The following FAM178B variants were observed in gnomAD, a reference collection of about 807,000 sequenced individuals.
FAM178B encodes the protein family with sequence similarity 178 member B, also known as protein FAM178B.
A neutral mutation model predicts 91.7 loss-of-function variants in FAM178B; 82 were observed. The observed-to-expected ratio is 0.89, with a 90% CI of 0.75 to 1.07. FAM178B has a LOEUF of 1.07. FAM178B is among the 50% of genes least tolerant of loss of function. The probability of loss-of-function intolerance (pLI) is 0.00; values close to 1 mark genes in which losing one functional copy is unlikely to be tolerated. For missense variants in FAM178B, 769 were observed against 846.7 expected (o/e 0.91, Z 1.14); for synonymous variants, 368 against 359.4 (o/e 1.02, Z -0.27).
At chr2:96,982,128 T>C (rs995488818) in intron 1 of FAM178B, among the ~76,000 whole-genome samples, 1 of 152,208 alleles carries the variant, frequency 6.6e-6, no homozygotes, top group African/African-American at 2.4e-5. Context: ...TATGCCAGCT[T>C]TGAGAATTTT....
intron 14 of FAM178B, among the ~76,000 whole-genome samples, chr2:96,893,544 C>G (rs982265166): frequency 6.6e-6 from 1 of 152,032 alleles, no homozygotes; most frequent in African/African-American, 2.4e-5. Context: ...CCCTGCACGT[C>G]GAGACAACCC....
rs141186292 is a variant in FAM178B, at chr2:96,923,287, T to A, written c.1287+203A>T. ...CATGCCTGGCCCCAATTCTTTCTTG[T>A]ACAAGAACTCTCTCTTGGGGCCTAG... On this transcript the variant is annotated intron_variant, in intron 10 of 16. Transcript: ENST00000490605. Among the ~76,000 whole-genome samples, 5 of 152,312 alleles carry A rather than the reference T, an allele frequency of 3.3e-5. No individual in the cohort carries two copies. The East Asian group carries it at 9.6e-4, about 29-fold the overall frequency.
At chr2:96,878,070 C>A in intron 15 of FAM178B, 28 bp from the exon 16 acceptor site, 3 of 1,602,156 alleles carry the variant, frequency 1.9e-6, no homozygotes, top group Non-Finnish European at 8.5e-7. Flanking sequence ...GGCCAAGAAG[C>A]GGGTGTAGCA....
At chr2:96,963,070 C>T (rs139737237) in intron 5 of FAM178B, among the ~76,000 whole-genome samples, 11 of 152,324 alleles carry the variant, frequency 7.2e-5, no homozygotes, top group Admixed American at 1.3e-4. Context: ...AAACGTCATG[C>T]GCCCAGCAAA....
intron 12 of FAM178B, among the ~76,000 whole-genome samples, chr2:96,911,616 C>A (rs750070125): frequency 6.6e-6 from 1 of 152,200 alleles, no homozygotes; most frequent in Non-Finnish European, 1.5e-5. Flanking sequence ...CGGTCACACT[C>A]CGGGACAGCA....
At chr2:96,915,008 AGG>A (rs2081218608) in intron 12 of FAM178B, among the ~76,000 whole-genome samples, 2 of 152,088 alleles carry the variant, frequency 1.3e-5, no homozygotes, top group Admixed American at 1.3e-4. Context: ...TGAGGGAAGG[AGG>A]AGTCTCCACG....
chr2:96,900,630 G>A (rs550993121), intron 13 of FAM178B, among the ~76,000 whole-genome samples: 1 of 152,298 alleles, frequency 6.6e-6, no homozygotes, highest in Admixed American at 6.5e-5. Flanking sequence ...CTCTGGATTG[G>A]GTGGTCAGGA....
chr2:96,978,429 A>T lies in FAM178B; in HGVS notation c.74-5823T>A, dbSNP rs146990272. Among the ~76,000 whole-genome samples the T allele has an allele frequency of 5.2e-3, 789 of 152,242 alleles. 5 individuals carry two copies. Among genetic ancestry groups the T allele is most frequent in the Non-Finnish European group, 9.6e-3 (651 of 68,016 alleles). ...ATTATACTCAACAGGTAATTTTTCA[A>T]TCCTCACCCCGCTTTCAACCTCCCC... On this transcript the variant is annotated intron_variant, in intron 1 of 16. Transcript: ENST00000490605.
chr2:96,958,214 C>T (rs1284917492), intron 6 of FAM178B, among the ~76,000 whole-genome samples: 1 of 151,914 alleles, frequency 6.6e-6, no homozygotes, highest in African/African-American at 2.4e-5. Flanking sequence ...GGACTACAGG[C>T]GCCCGCTACC....
Position 96,893,895 on chromosome 2 carries a change from G to A in FAM178B, c.1776+31C>T, listed in dbSNP as rs201571176. Reference sequence around the variant, plus strand: ...CTACCTGTGGTGGTGGCACCGTGGTGGAGGCAGGCGGGTGCTGGGTGCTCA... The same window carrying A: ...CTACCTGTGGTGGTGGCACCGTGGTAGAGGCAGGCGGGTGCTGGGTGCTCA... On this transcript the variant is annotated intron_variant, in intron 14 of 16. Coordinates refer to ENST00000490605, the MANE Select transcript of FAM178B (RefSeq NM_001122646.3). 113 of 1,602,094 alleles carry A rather than the reference G, an allele frequency of 7.1e-5. No individual in the cohort carries two copies. The East Asian group carries it at 2.4e-3, about 34-fold the overall frequency.
At chr2:96,906,657 G>A (rs976756040) in intron 12 of FAM178B, among the ~76,000 whole-genome samples, 2 of 151,974 alleles carry the variant, frequency 1.3e-5, no homozygotes, top group Admixed American at 6.6e-5. Flanking sequence ...CCCTCTCTAC[G>A]GCCCCTACAA....
chr2:96,896,175 G>A (rs2080819770), intron 13 of FAM178B, among the ~76,000 whole-genome samples: 1 of 152,214 alleles, frequency 6.6e-6, no homozygotes, highest in African/African-American at 2.4e-5. Context: ...CGCCCAGCCG[G>A]GACCCTCCCT....
chr2:96,950,702 C>G (rs2081910384), intron 7 of FAM178B, among the ~76,000 whole-genome samples: 1 of 152,190 alleles, frequency 6.6e-6, no homozygotes, highest in African/African-American at 2.4e-5. Context: ...CTGCCTCTCT[C>G]TGTGCAAAGG....
chr2:96,985,564 A>C (rs1365141776), intron 1 of FAM178B, among the ~76,000 whole-genome samples: 2 of 152,182 alleles, frequency 1.3e-5, no homozygotes, highest in African/African-American at 4.8e-5. Flanking sequence ...ATCTGTCTTA[A>C]AGTGTAGCAT....
chr2:96,929,741 AG>A (rs1483035021), intron 8 of FAM178B, among the ~76,000 whole-genome samples: 1 of 152,260 alleles, frequency 6.6e-6, no homozygotes, highest in African/African-American at 2.4e-5. Context: ...GCTGACACTC[AG>A]CCCACTGCAG....
At chr2:96,897,283 A>G (rs974429039) in intron 13 of FAM178B, among the ~76,000 whole-genome samples, 2 of 151,954 alleles carry the variant, frequency 1.3e-5, no homozygotes, top group Non-Finnish European at 1.5e-5. Context: ...TGCCTGGCAC[A>G]TGGTACATGT....
intron 6 of FAM178B, chr2:96,951,742 G>A: frequency 2.5e-6 from 1 of 398,422 alleles, no homozygotes. Flanking sequence ...ATGGCGGGTG[G>A]CTGGAGGCAG....
chr2:96,928,687 T>G (rs1427129558), intron 9 of FAM178B, among the ~76,000 whole-genome samples: 3 of 152,102 alleles, frequency 2.0e-5, no homozygotes, highest in Non-Finnish European at 2.9e-5. Flanking sequence ...AGTCAGGAAG[T>G]GCCAAAAACA....
At chr2:96,898,019 G>A in intron 13 of FAM178B, 1 of 985,534 alleles carries the variant, frequency 1.0e-6, no homozygotes, top group Non-Finnish European at 1.2e-6. Flanking sequence ...GGGAGATACA[G>A]AGCCCAGCAG....
Sources: gnomAD v4.1 joint callset for allele counts (sites outside exome capture counted in the v4.1 genomes callset) on GRCh38, gnomAD v4.1.1 for gene constraint, MANE v1.5 for transcripts, NCBI Gene and HGNC (gene_info 2026-07-23, HGNC 2026-07-21) for gene names.